The following MRPS5 variants were observed in gnomAD, a reference collection of about 807,000 sequenced individuals.
MRPS5 encodes the protein small ribosomal subunit protein uS5m.
Under a neutral mutation model 51.9 loss-of-function variants are expected in MRPS5, and 27 were observed. The observed-to-expected ratio is 0.52, with a 90% CI of 0.38 to 0.72. The LOEUF is 0.72. Ranked by LOEUF, MRPS5 falls within the 30% of genes least tolerant of loss-of-function variation. The probability of loss-of-function intolerance (pLI) is 0.00; values close to 1 mark genes in which losing one functional copy is unlikely to be tolerated. For missense variants in MRPS5, 570 were observed against 545.7 expected, an observed-to-expected ratio of 1.04 and a Z score of -0.44; for synonymous variants, 196 against 193.2, an observed-to-expected ratio of 1.01 and a Z score of -0.12.
rs746528896 is a variant in MRPS5 at position 95,100,846 on chromosome 2, C to A, written c.859G>T (p.Asp287Tyr). ...ATAGATTATCACTCACTTGTATGGTCTTCATATCGTTCTATATAATGCAAA... is the reference window on the plus strand; with the variant it reads ...ATAGATTATCACTCACTTGTATGGTATTCATATCGTTCTATATAATGCAAA... ...HHLHYIERYE[D>Y]HTIFHDISLR... The change falls in exon 9 of 12, where the codon GAC (aspartate) becomes TAC (tyrosine). Residue 287 changes from aspartate (D) to tyrosine (Y), a missense_variant. Asp to Tyr is a radical substitution (Grantham distance 160). Transcript: ENST00000272418. 58 of 1,600,196 alleles carry A rather than the reference C, an allele frequency of 3.6e-5. No homozygotes were observed. Among genetic ancestry groups the A allele is most frequent in the Non-Finnish European group, 4.6e-5 (54 of 1,175,704 alleles).
intron 10 of MRPS5, among the ~76,000 whole-genome samples, chr2:95,099,483 T>C (rs1675734972): frequency 6.6e-6 from 1 of 152,192 alleles, no homozygotes; most frequent in Admixed American, 6.5e-5. Context: ...TTTTGAGATA[T>C]TTTATATTCT....
At chr2:95,119,348 G>T (rs920722979) in intron 1 of MRPS5, among the ~76,000 whole-genome samples, 2 of 152,172 alleles carry the variant, frequency 1.3e-5, no homozygotes, top group Admixed American at 1.3e-4. Context: ...GGAGGCTCAT[G>T]CCTGTAATCT....
rs773029748 is a variant in MRPS5 at position 95,121,743 on chromosome 2, C to T, written c.49G>A (p.Gly17Arg). 3 of 1,550,350 alleles carry T rather than the reference C, an allele frequency of 1.9e-6. No individual in the cohort carries two copies. The Admixed American group carries it at 5.6e-5, about 29-fold the overall frequency. Residue 17 changes from glycine (G) to arginine (R), a missense_variant, in exon 1 of 12, where the codon GGG becomes AGG. Physicochemically the swap from Gly to Arg is moderately radical, Grantham distance 125 (BLOSUM62 -2). Coordinates refer to ENST00000272418, the MANE Select transcript of MRPS5 (RefSeq NM_031902.5). ...GCGTCCCAGCTCTCACCTGCCGTCCCGCTACACAGCACGGGGAGGCAGCCC... is the reference window on the plus strand; with the variant it reads ...GCGTCCCAGCTCTCACCTGCCGTCCTGCTACACAGCACGGGGAGGCAGCCC... ...AVGCLPVLCS[G>R]TAGHLLGRQC...
intron 10 of MRPS5, 48 bp downstream of exon 10, chr2:95,100,426 T>G: frequency 1.4e-6 from 2 of 1,394,638 alleles, no homozygotes; most frequent in Admixed American, 1.8e-5. Context: ...AGAACTGTTA[T>G]AATTTCTCTG....
chr2:95,086,515 GA>G lies in MRPS5; in HGVS notation c.*841del, dbSNP rs994679719. Among the ~76,000 whole-genome samples the G allele has an allele frequency of 7.9e-5, 12 of 151,620 alleles. No homozygotes were observed. Among genetic ancestry groups the G allele is most frequent in the African/African-American group, 2.7e-4 (11 of 41,232 alleles). ...TGAGCAACACAGAGAAAACAGACTG[GA>G]AAAAAAATAAACAGCGCCTCAGGGA... On this transcript the variant is annotated 3_prime_UTR_variant, in exon 12 of 12. Transcript: ENST00000272418.
chr2:95,087,983 C>T (rs552149543), intron 11 of MRPS5, among the ~76,000 whole-genome samples: 48 of 120,464 alleles, frequency 4.0e-4, no homozygotes, highest in African/African-American at 1.3e-3. Flanking sequence ...GGCCAGGAAG[C>T]ACTACAAAAC....
At chr2:95,095,967 TAAG>T (rs1478389846) in intron 10 of MRPS5, among the ~76,000 whole-genome samples, 1 of 151,940 alleles carries the variant, frequency 6.6e-6, no homozygotes, top group Non-Finnish European at 1.5e-5. Flanking sequence ...CTAGCAAGAC[TAAG>T]AAGAGAGAAG....
intron 5 of MRPS5, among the ~76,000 whole-genome samples, chr2:95,107,830 C>T (rs1178251553): frequency 6.6e-6 from 1 of 152,114 alleles, no homozygotes; most frequent in Non-Finnish European, 1.5e-5. Flanking sequence ...AACAGCATTC[C>T]CAAGCCATGC....
At chr2:95,093,532 T>C (rs575358311) in intron 10 of MRPS5, 1 of 152,412 alleles carries the variant, frequency 6.6e-6, no homozygotes, top group African/African-American at 2.4e-5. Flanking sequence ...GCAGTAATAT[T>C]TGCTCTTCTG....
At chr2:95,114,090 G>A (rs1267184530) in intron 3 of MRPS5, among the ~76,000 whole-genome samples, 4 of 134,836 alleles carry the variant, frequency 3.0e-5, no homozygotes, top group African/African-American at 5.6e-5. Context: ...ACTGTACTCC[G>A]GCCTGGTGAC....
In MRPS5 at chr2:95,086,057, ACAC is replaced by A. The variant is rs1346143335; in HGVS notation, c.*1297_*1299del. The stretch of plus-strand genomic sequence containing the variant: ...CCTATGTAGCTGGGACTACAGGCAT[ACAC>A]CACCATGTGTGTCTAACTTTTAAAT... On this transcript the variant is annotated 3_prime_UTR_variant, in exon 12 of 12. Coordinates refer to ENST00000272418, the MANE Select transcript of MRPS5 (RefSeq NM_031902.5). Among the ~76,000 whole-genome samples, 1 of 152,110 alleles carries A rather than the reference ACAC, an allele frequency of 6.6e-6. No homozygotes were observed. Among genetic ancestry groups the A allele is most frequent in the African/African-American group, 2.4e-5 (1 of 41,432 alleles).
rs1270765128 is a variant in MRPS5, at chr2:95,099,094, A to C, written c.931+1380T>G. On this transcript the variant is annotated intron_variant, in intron 10 of 11. Coordinates refer to ENST00000272418, the MANE Select transcript of MRPS5 (RefSeq NM_031902.5). Reference sequence around the variant, plus strand: ...CCACTGCGCCCAGCTAATTTTTTGTATTTTTAGTAGAGATGGGGTTTCACC... The same window carrying C: ...CCACTGCGCCCAGCTAATTTTTTGTCTTTTTAGTAGAGATGGGGTTTCACC... Among the ~76,000 whole-genome samples the C allele has an allele frequency of 6.6e-5, 10 of 151,550 alleles. No homozygotes were observed. In the East Asian group the frequency reaches 1.7e-3, roughly 27 times the overall value.
At chr2:95,117,181 A>G (rs1676309963) in intron 2 of MRPS5, among the ~76,000 whole-genome samples, 1 of 151,828 alleles carries the variant, frequency 6.6e-6, no homozygotes, top group South Asian at 2.1e-4. Context: ...TCTGACCTCA[A>G]GGAGGGTTTT....
chr2:95,114,003 C>T (rs1676205961), intron 3 of MRPS5, among the ~76,000 whole-genome samples: 1 of 150,644 alleles, frequency 6.6e-6, no homozygotes, highest in Non-Finnish European at 1.5e-5. Context: ...CCCTGTAGTC[C>T]CAGCTACTTG....
At chr2:95,120,000 C>A (rs1418457765) in intron 1 of MRPS5, among the ~76,000 whole-genome samples, 1 of 152,160 alleles carries the variant, frequency 6.6e-6, no homozygotes, top group East Asian at 1.9e-4. Context: ...GAGATGGAGG[C>A]TGCAGTGAGC....
chr2:95,108,819 G>A (rs142440773), intron 4 of MRPS5, among the ~76,000 whole-genome samples: 180 of 152,172 alleles, frequency 1.2e-3, no homozygotes, highest in African/African-American at 4.2e-3. Flanking sequence ...ACCTATTATT[G>A]AGTGAAAAAA....
intron 11 of MRPS5, among the ~76,000 whole-genome samples, chr2:95,089,965 CAGG>C (rs1396282574): frequency 9.9e-5 from 15 of 151,824 alleles, no homozygotes; most frequent in Admixed American, 1.3e-4. Flanking sequence ...ATCACGAGGT[CAGG>C]AGATCGAGAC....
At chr2:95,093,059 G>GGCATGGCTCAGCAGGTCCCAC (rs1166065733) in intron 10 of MRPS5, 2 of 152,272 alleles carry the variant, frequency 1.3e-5, no homozygotes, top group African/African-American at 4.8e-5. Flanking sequence ...TTATATCCCA[G>GGCATGGCTCAGCAGGTCCCAC]GCATGGCTCA....
At chr2:95,106,759 G>A (rs754893283) in intron 5 of MRPS5, 2 of 446,490 alleles carry the variant, frequency 4.5e-6, no homozygotes, top group South Asian at 2.4e-5. Flanking sequence ...TCCCTCTCAC[G>A]GCCTCTCCCC....
Sources: gnomAD v4.1 joint callset for allele counts (sites outside exome capture counted in the v4.1 genomes callset) on GRCh38, gnomAD v4.1.1 for gene constraint, MANE v1.5 for transcripts, NCBI Gene and HGNC (gene_info 2026-07-23, HGNC 2026-07-21) for gene names.